The following MIB1 variants were observed in gnomAD, a reference collection of about 807,000 sequenced individuals.
MIB1 encodes MIB E3 ubiquitin protein ligase 1.
Under a neutral mutation model 124.5 loss-of-function variants are expected in MIB1, and 278 were observed. The ratio of observed to expected loss-of-function variants is 2.23; its 90% CI spans 2.02 to 2.47. The LOEUF is 2.47. Ranked by LOEUF, MIB1 falls within the 30% of genes most tolerant of loss-of-function variation. The probability of loss-of-function intolerance (pLI) is 0.00; values close to 1 mark genes in which losing one functional copy is unlikely to be tolerated. For synonymous variants in MIB1, 446 were observed against 429.4 expected, an observed-to-expected ratio of 1.04 and a Z score of -0.48; for missense variants, 957 against 1,254.4, an observed-to-expected ratio of 0.76 and a Z score of 3.58.
At chr18:21,808,247 G>C (rs1288199545) in intron 10 of MIB1, among the ~76,000 whole-genome samples, 1 of 152,048 alleles carries the variant, frequency 6.6e-6, no homozygotes, top group Non-Finnish European at 1.5e-5. Context: ...ATATGCATTA[G>C]GAAGTAGGCT....
Position 21,857,217 on chromosome 18 carries a change from G to A in MIB1, c.2753G>A (p.Ser918Asn). Residue 918 changes from serine (S) to asparagine (N), a missense_variant, in exon 19 of 21, where the codon AGT (serine) becomes AAT (asparagine). Physicochemically the swap from Ser to Asn is conservative, Grantham distance 46. Transcript: ENST00000261537. ...VPFIMCCGGK[S>N]SEDATDDISS... Reference sequence around the variant, plus strand: ...TTCATTATGTGCTGTGGAGGGAAAAGTTCAGAAGATGCCACTGATGATATC... The same window carrying A: ...TTCATTATGTGCTGTGGAGGGAAAAATTCAGAAGATGCCACTGATGATATC... 3 of 1,613,846 alleles carry A rather than the reference G, an allele frequency of 1.9e-6. No individual in the cohort carries two copies. The highest frequency in any genetic ancestry group is 2.5e-6 in the Non-Finnish European group (3 of 1,179,736).
intron 3 of MIB1, among the ~76,000 whole-genome samples, chr18:21,772,292 G>GT (rs142225552): frequency 8.5e-5 from 13 of 152,316 alleles, no homozygotes; most frequent in Non-Finnish European, 1.6e-4. Flanking sequence ...GGCTGTGATT[G>GT]TAAGTATCAA....
chr18:21,851,327 C>T (rs575372536), intron 17 of MIB1, among the ~76,000 whole-genome samples: 111 of 152,084 alleles, frequency 7.3e-4, no homozygotes, highest in Admixed American at 1.6e-3. Flanking sequence ...AATATGCTTT[C>T]GTTCTTTTTC....
chr18:21,795,286 T>C (rs918744914), intron 7 of MIB1, among the ~76,000 whole-genome samples: 2 of 140,352 alleles, frequency 1.4e-5, no homozygotes, highest in Admixed American at 7.4e-5. Flanking sequence ...TAAATATATA[T>C]GTATATATAT....
chr18:21,738,549 T>C (rs1465619803), upstream of MIB1, among the ~76,000 whole-genome samples: 1 of 151,814 alleles, frequency 6.6e-6, no homozygotes, highest in Non-Finnish European at 1.5e-5. Flanking sequence ...GGCTCACGCC[T>C]GTAATCCCAG....
In MIB1 at chr18:21,741,763, C is replaced by T. The variant is rs141633387; in HGVS notation, c.180C>T (p.Tyr60=). Residue 60 remains tyrosine, a synonymous_variant, in exon 1 of 21, where the codon TAC becomes TAT. Transcript: ENST00000261537. The surrounding 1 kb of genome is among the most constrained non-coding windows in gnomAD (Gnocchi z 5.4). ...GGGACAACGGCACAGCTGCCAACTACCGCTGCTCCGGGGCTTACGACCTCC... is the reference window on the plus strand; with the variant it reads ...GGGACAACGGCACAGCTGCCAACTATCGCTGCTCCGGGGCTTACGACCTCC... ...VVWDNGTAAN[Y]RCSGAYDLRI... The T allele has an allele frequency of 3.8e-4, 614 of 1,610,014 alleles. No individual in the cohort carries two copies. The highest frequency in any genetic ancestry group is 5.1e-4 in the Non-Finnish European group (596 of 1,178,886).
intron 9 of MIB1, among the ~76,000 whole-genome samples, chr18:21,800,743 T>C (rs2041641691): frequency 2.0e-5 from 3 of 152,142 alleles, no homozygotes; most frequent in Admixed American, 2.0e-4. Flanking sequence ...ATGAGATCTA[T>C]AATTGTAAAG....
chr18:21,767,754 A>G (rs899720127), intron 2 of MIB1, among the ~76,000 whole-genome samples: 2 of 152,034 alleles, frequency 1.3e-5, no homozygotes, highest in African/African-American at 4.8e-5. Flanking sequence ...TCACCGTGTT[A>G]GTCAGGATGG....
In MIB1 at chr18:21,857,123, T is replaced by C; in HGVS notation, c.2666-7T>C. The C allele has an allele frequency of 1.9e-6, 3 of 1,605,368 alleles. No individual in the cohort carries two copies. The highest frequency in any genetic ancestry group is 2.6e-6 in the Non-Finnish European group (3 of 1,172,092). The stretch of plus-strand genomic sequence containing the variant: ...TTGTAAGAAGTGTCTGTGTTACCGT[T>C]TTCCAGACTGTGCTAACCTGATGAA... On this transcript the variant is annotated splice_region_variant and splice_polypyrimidine_tract_variant and intron_variant, in intron 18 of 20. Transcript: ENST00000261537.
chr18:21,849,472 C>T (rs1330773505), intron 17 of MIB1, 84 bp downstream of exon 17: 7 of 737,836 alleles, frequency 9.5e-6, no homozygotes, highest in African/African-American at 3.6e-5. Context: ...TGACATCATG[C>T]GTCTGTGTAA....
At chr18:21,859,934 A>C (rs1201780627) in intron 20 of MIB1, among the ~76,000 whole-genome samples, 1 of 149,166 alleles carries the variant, frequency 6.7e-6, no homozygotes, top group South Asian at 2.1e-4. Context: ...CTGTATACAT[A>C]TACACCATAA....
At chr18:21,799,809 C>A in intron 8 of MIB1, 32 bp from the exon 9 acceptor site, 2 of 1,590,114 alleles carry the variant, frequency 1.3e-6, no homozygotes, top group South Asian at 1.2e-5. Context: ...TGAGATCCTC[C>A]TATATTAGCA....
At chr18:21,853,039 G>A (rs1229969866) in intron 17 of MIB1, 101 bp from the exon 18 acceptor site, 1 of 779,238 alleles carries the variant, frequency 1.3e-6, no homozygotes, top group African/African-American at 1.7e-5. Flanking sequence ...GTGCCTAGGT[G>A]TTTTCTTACA....
chr18:21,764,776 A>G (rs2041137727), intron 1 of MIB1, among the ~76,000 whole-genome samples: 1 of 152,224 alleles, frequency 6.6e-6, no homozygotes, highest in Non-Finnish European at 1.5e-5. Context: ...ACATTATTTT[A>G]TACGTAAATA....
rs1348565509 is a variant in MIB1, at chr18:21,741,848, C to CG, written c.229+42dup. 2.6e-6 allele frequency: 4 copies of CG among 1,520,126 alleles called. No individual in the cohort carries two copies. Among genetic ancestry groups the CG allele is most frequent in the East Asian group, 2.5e-5 (1 of 40,438 alleles). 94.2% of individuals were successfully genotyped at this position (1,520,126 alleles called of 1,614,324 possible). On this transcript the variant is annotated intron_variant, in intron 1 of 20. Coordinates refer to ENST00000261537, the MANE Select transcript of MIB1 (RefSeq NM_020774.4). This position sits in a 1 kb window ranked among gnomAD's most constrained non-coding sequence, Gnocchi z 5.4. ...GCCACCTGGCCAGGGCTTGCGCGCG[C>CG]GGGGGGAAGGGGCGAGCTGCGGTGG...
intron 11 of MIB1, among the ~76,000 whole-genome samples, chr18:21,819,093 A>C (rs1266645480): frequency 3.3e-5 from 5 of 152,260 alleles, no homozygotes; most frequent in Admixed American, 2.6e-4. Flanking sequence ...GCTGGAGTGC[A>C]GTGGCATGAT....
At chr18:21,752,477 A>G (rs2040985381) in intron 1 of MIB1, among the ~76,000 whole-genome samples, 1 of 152,252 alleles carries the variant, frequency 6.6e-6, no homozygotes, top group Non-Finnish European at 1.5e-5. Context: ...AATGGATTAG[A>G]TAAATTTAAG....
intron 20 of MIB1, among the ~76,000 whole-genome samples, chr18:21,860,877 T>A (rs887404973): frequency 6.6e-6 from 1 of 152,092 alleles, no homozygotes; most frequent in Non-Finnish European, 1.5e-5. Context: ...TCTACAAAAA[T>A]TTTTAAAATA....
rs757518044 is a variant in MIB1, at chr18:21,741,811, C to T, written c.228C>T (p.Thr76=). ...TCCGCATCCTGGACAGCGCGCCCAC[C>T]GGTAAGCCGCGGCCACCTGGCCAGG... The part of the protein sequence containing the change: ...YDLRILDSAP[T]GIKHDGTMCD... Residue 76 remains threonine, a splice_region_variant and synonymous_variant, in exon 1 of 21, where the codon ACC becomes ACT. Transcript: ENST00000261537. This position sits in a 1 kb window ranked among gnomAD's most constrained non-coding sequence, Gnocchi z 5.4. 2 of 1,591,906 alleles carry T rather than the reference C, an allele frequency of 1.3e-6. No individual in the cohort carries two copies. The highest frequency in any genetic ancestry group is 1.7e-6 in the Non-Finnish European group (2 of 1,170,220).
Sources: allele counts gnomAD v4.1 joint callset (sites outside exome capture counted in the v4.1 genomes callset), GRCh38; gene constraint gnomAD v4.1.1; non-coding constraint Gnocchi (gnomAD v3.1); transcripts MANE v1.5; gene names NCBI Gene and HGNC (gene_info 2026-07-23, HGNC 2026-07-21).